VPS13B: variants seen among roughly 807,000 people sequenced by gnomAD.
VPS13B encodes the protein vacuolar protein sorting 13 homolog B.
VPS13B carries 285 observed loss-of-function variants against 426.4 expected under a neutral mutation model. That is an observed-to-expected ratio of 0.67 (90% CI 0.61 to 0.74). The LOEUF (loss-of-function observed/expected upper bound fraction) is 0.74, where lower values mean the gene tolerates loss of function less well. Among genes scored for constraint, VPS13B ranks in the 30% least tolerant of loss-of-function variants. The probability of loss-of-function intolerance (pLI) is 0.00; values close to 1 mark genes in which losing one functional copy is unlikely to be tolerated. For synonymous variants in VPS13B, 1,676 were observed against 1,676.4 expected (o/e 1.00, Z 0.01); for missense variants, 4,537 against 4,782.6 (o/e 0.95, Z 1.51).
intron 39 of VPS13B, among the ~76,000 whole-genome samples, chr8:99,734,816 G>A (rs115669512): frequency 0.012 from 1,881 of 152,226 alleles, 30 homozygotes; most frequent in African/African-American, 0.042. Flanking sequence ...ACATCTGGAG[G>A]CAGAATAAAC....
chr8:99,508,871 T>C (rs1368872899), intron 28 of VPS13B, among the ~76,000 whole-genome samples: 1 of 152,110 alleles, frequency 6.6e-6, no homozygotes, highest in East Asian at 1.9e-4. Context: ...GTATTCACTT[T>C]TTGCCTTATG....
At chr8:99,273,557 G>C (rs1039627164) in intron 17 of VPS13B, among the ~76,000 whole-genome samples, 7 of 152,148 alleles carry the variant, frequency 4.6e-5, no homozygotes, top group Middle Eastern at 6.8e-3. Context: ...GGCTGAGTTG[G>C]GTGGATCACC....
intron 55 of VPS13B, among the ~76,000 whole-genome samples, chr8:99,852,908 T>A (rs1467174492): frequency 6.6e-6 from 1 of 152,016 alleles, no homozygotes; most frequent in African/African-American, 2.4e-5. Flanking sequence ...TGGAGGGATG[T>A]CTTTGAGTAG....
chr8:99,689,824 G>A (rs1208167744), intron 35 of VPS13B, among the ~76,000 whole-genome samples: 1 of 152,168 alleles, frequency 6.6e-6, no homozygotes, highest in African/African-American at 2.4e-5. Context: ...GGATCCCTTA[G>A]GTTCAGCAGT....
intron 3 of VPS13B, among the ~76,000 whole-genome samples, chr8:99,044,321 G>A (rs1247537397): frequency 4.6e-5 from 7 of 151,566 alleles, no homozygotes; most frequent in Non-Finnish European, 8.8e-5. Context: ...CTGACCTTGT[G>A]ATCCGCCCAC....
intron 39 of VPS13B, among the ~76,000 whole-genome samples, chr8:99,760,661 G>A (rs1322394512): frequency 6.6e-6 from 1 of 152,134 alleles, no homozygotes; most frequent in Non-Finnish European, 1.5e-5. Flanking sequence ...ATTGTACTCA[G>A]TGTTGTTTTT....
At chr8:99,367,815 A>T (rs1376831911) in intron 19 of VPS13B, among the ~76,000 whole-genome samples, 2 of 151,980 alleles carry the variant, frequency 1.3e-5, no homozygotes, top group Non-Finnish European at 2.9e-5. Flanking sequence ...CACCACGCCC[A>T]GCTAATTTTT....
intron 17 of VPS13B, among the ~76,000 whole-genome samples, chr8:99,260,833 T>G (rs1818003321): frequency 6.6e-6 from 1 of 152,124 alleles, no homozygotes; most frequent in Non-Finnish European, 1.5e-5. Flanking sequence ...ATTTCTAGTC[T>G]CTTGTACCCA....
rs60817713 is a variant in VPS13B, at chr8:99,619,886, G to GATAATA, written c.5221-21898_5221-21893dup. 5.7e-3 allele frequency among the ~76,000 whole-genome samples: 833 copies of GATAATA among 146,870 alleles called. 3 individuals carry two copies. Among genetic ancestry groups the GATAATA allele is most frequent in the African/African-American group, 9.6e-3 (382 of 39,866 alleles). On this transcript the variant is annotated intron_variant, in intron 33 of 61. Coordinates refer to ENST00000357162, the MANE Select transcript of VPS13B (RefSeq NM_152564.5). ...CAAGACCCTGTCTCAAAATGATGAT[G>GATAATA]ATAATAATAATAATAATAATAATAA... is the stretch of plus-strand genomic sequence containing the variant.
chr8:99,082,021 C>T (rs1034979622), intron 3 of VPS13B, among the ~76,000 whole-genome samples: 2 of 152,044 alleles, frequency 1.3e-5, no homozygotes, highest in Non-Finnish European at 1.5e-5. Flanking sequence ...GTTCTAGATC[C>T]CTGAGGAATC....
intron 33 of VPS13B, among the ~76,000 whole-genome samples, chr8:99,617,976 T>C (rs1334416976): frequency 1.3e-5 from 2 of 152,128 alleles, no homozygotes; most frequent in Non-Finnish European, 2.9e-5. Context: ...TTTTTTCTGA[T>C]ACTCTGTTCC....
At position 99,876,399 on chromosome 8, in the gene VPS13B, A is replaced by T. The variant is rs886062555; in HGVS notation, c.*733A>T. ...ATTGATTACTGTCCAGGTACATTTT[A>T]GAAAAAGTGTTCTTCTTCCAGTTTG... On this transcript the variant is annotated 3_prime_UTR_variant, in exon 62 of 62. Transcript: ENST00000357162. 2 of 152,444 alleles carry T rather than the reference A, an allele frequency of 1.3e-5. No homozygotes were observed. The highest frequency in any genetic ancestry group is 4.1e-4 in the South Asian group (2 of 4,828). The allele number at this position is 152,444 out of a possible 1,614,324, so 9.4% of individuals were successfully genotyped here. A position where few individuals can be genotyped will look rare whatever the true frequency, so the allele number is the denominator to read the frequency against.
chr8:99,733,629 A>T (rs953519314), intron 39 of VPS13B, among the ~76,000 whole-genome samples: 2 of 152,172 alleles, frequency 1.3e-5, no homozygotes, highest in Non-Finnish European at 2.9e-5. Flanking sequence ...CTGAGTTTTG[A>T]TTGCAAGCTA....
At chr8:99,562,499 T>C (rs1184875379) in intron 31 of VPS13B, among the ~76,000 whole-genome samples, 1 of 152,166 alleles carries the variant, frequency 6.6e-6, no homozygotes, top group Non-Finnish European at 1.5e-5. Context: ...CAGGCTGGCC[T>C]CGAACTTCTA....
At chr8:99,621,804 G>GT (rs1276526438) in intron 33 of VPS13B, among the ~76,000 whole-genome samples, 1 of 116,026 alleles carries the variant, frequency 8.6e-6, no homozygotes, top group Non-Finnish European at 1.9e-5. Flanking sequence ...TTGTTTGTTT[G>GT]TTTTTTGTTT....
At chr8:99,630,411 C>T (rs1828793830) in intron 33 of VPS13B, among the ~76,000 whole-genome samples, 1 of 152,116 alleles carries the variant, frequency 6.6e-6, no homozygotes, top group Admixed American at 6.6e-5. Flanking sequence ...AAGTCCAAAT[C>T]CTGGCTTCTT....
At position 99,699,793 on chromosome 8, in the gene VPS13B, C is replaced by T; in HGVS notation, c.6315C>T (p.Cys2105=). The change falls in exon 36 of 62, where the codon TGC becomes TGT. Residue 2105 remains cysteine, a synonymous_variant. Coordinates refer to ENST00000357162, the MANE Select transcript of VPS13B (RefSeq NM_152564.5). Reference sequence around the variant, plus strand: ...AAAACATGTGGAGAGCTGTTTCCTGCTTTCAAAAAATTTCTGTTCAAACTA... The same window carrying T: ...AAAACATGTGGAGAGCTGTTTCCTGTTTTCAAAAAATTTCTGTTCAAACTA... ...AQENMWRAVS[C]FQKISVQTTQ... The T allele has an allele frequency of 1.2e-6, 2 of 1,613,804 alleles. No homozygotes were observed. The highest frequency in any genetic ancestry group is 1.7e-6 in the Non-Finnish European group (2 of 1,179,906).
intron 50 of VPS13B, 22 bp from the exon 51 acceptor site, chr8:99,823,809 AT>A: frequency 2.5e-6 from 4 of 1,610,842 alleles, no homozygotes; most frequent in Non-Finnish European, 3.4e-6. Flanking sequence ...TGTCAAAATT[AT>A]TTTTTCTCAA....
intron 30 of VPS13B, among the ~76,000 whole-genome samples, chr8:99,555,557 T>C (rs542878757): frequency 1.4e-4 from 21 of 152,276 alleles, no homozygotes; most frequent in South Asian, 4.1e-4. Flanking sequence ...TTTTTTCTTT[T>C]GATCATCTAC....
Sources: allele counts gnomAD v4.1 joint callset (sites outside exome capture counted in the v4.1 genomes callset), GRCh38; gene constraint gnomAD v4.1.1; transcripts MANE v1.5; gene names NCBI Gene and HGNC (gene_info 2026-07-23, HGNC 2026-07-21).